XIRP2: variants seen among roughly 807,000 people sequenced by gnomAD.
XIRP2 encodes the protein xin actin binding repeat containing 2.
In XIRP2, 236 loss-of-function variants were observed where a neutral mutation model predicts 277.0. The observed-to-expected ratio is 0.85, with a 90% confidence interval of 0.77 to 0.95. The LOEUF (loss-of-function observed/expected upper bound fraction) is 0.95, where lower values mean the gene tolerates loss of function less well. XIRP2 is among the 40% of genes least tolerant of loss of function. The pLI, the probability that XIRP2 is intolerant of heterozygous loss-of-function variation, is 0.00. For synonymous variants in XIRP2, 1,490 were observed against 1,416.5 expected (o/e 1.05, Z -1.17); for missense variants, 4,640 against 4,157.5 (o/e 1.12, Z -3.19).
intron 2 of XIRP2, among the ~76,000 whole-genome samples, chr2:166,912,991 G>C (rs757302235): frequency 5.3e-5 from 8 of 152,148 alleles, no homozygotes; most frequent in African/African-American, 9.7e-5. Context: ...TTACTCGGCC[G>C]TGTGAGGTGT....
chr2:166,994,492 TAAAAAA>T (rs199932317), intron 2 of XIRP2, among the ~76,000 whole-genome samples: 2 of 109,198 alleles, frequency 1.8e-5, no homozygotes, highest in African/African-American at 6.9e-5. Flanking sequence ...AAAAAAAAAT[TAAAAAA>T]AAAAAAAAAA....
intron 3 of XIRP2, among the ~76,000 whole-genome samples, chr2:167,173,520 C>T (rs899028335): frequency 1.3e-5 from 2 of 152,142 alleles, no homozygotes; most frequent in Admixed American, 6.5e-5. Flanking sequence ...TTTTCTTTAT[C>T]CATTTATCTG....
chr2:167,200,848 G>A lies in XIRP2; in HGVS notation c.563-9887G>A, dbSNP rs148492952. Among the ~76,000 whole-genome samples, 1,007 of 152,094 alleles carry A rather than the reference G, an allele frequency of 6.6e-3. 12 individuals carry two copies. The highest frequency in any genetic ancestry group is 0.023 in the African/African-American group (935 of 41,508). Reference sequence around the variant, plus strand: ...GAGGAAAATGTACCATATACCTGCCGGGTGTGGTGGCTCACGCCTGCAACC... The same window carrying A: ...GAGGAAAATGTACCATATACCTGCCAGGTGTGGTGGCTCACGCCTGCAACC... On this transcript the variant is annotated intron_variant, in intron 3 of 10. Coordinates refer to ENST00000409195, the MANE Select transcript of XIRP2 (RefSeq NM_152381.6).
chr2:167,187,826 G>A (rs1451955280), intron 3 of XIRP2, among the ~76,000 whole-genome samples: 2 of 152,072 alleles, frequency 1.3e-5, no homozygotes, highest in Non-Finnish European at 2.9e-5. Flanking sequence ...TTACAAATAA[G>A]AGGGAAAGCA....
chr2:166,901,319 G>A (rs1684383562), intron 1 of XIRP2, among the ~76,000 whole-genome samples: 1 of 152,050 alleles, frequency 6.6e-6, no homozygotes, highest in African/African-American at 2.4e-5. Flanking sequence ...TTCCTAGGCA[G>A]TTCGCCTTCT....
chr2:166,982,327 T>TAAAA (rs34827020), intron 2 of XIRP2, among the ~76,000 whole-genome samples: 9 of 146,572 alleles, frequency 6.1e-5, no homozygotes, highest in African/African-American at 2.2e-4. Context: ...TTTTTTTTTT[T>TAAAA]AAAAAAAAAA....
At chr2:167,161,478 G>T (rs1692360596) in intron 3 of XIRP2, among the ~76,000 whole-genome samples, 1 of 152,202 alleles carries the variant, frequency 6.6e-6, no homozygotes, top group South Asian at 2.1e-4. Flanking sequence ...TGATTTCTGT[G>T]CACTGGCAGG....
At chr2:167,066,434 A>C (rs925191528) in intron 2 of XIRP2, among the ~76,000 whole-genome samples, 7 of 151,980 alleles carry the variant, frequency 4.6e-5, no homozygotes, top group African/African-American at 1.7e-4. Flanking sequence ...ATATTATCTC[A>C]TACCTGCTGG....
chr2:167,247,892 C>T lies in XIRP2; in HGVS notation c.6500C>T (p.Pro2167Leu), dbSNP rs773709802. Residue 2167 changes from proline to leucine, a missense_variant, in exon 9 of 11, where the codon CCA becomes CTA. Pro to Leu is a moderately conservative substitution (Grantham distance 98). Coordinates refer to ENST00000409195, the MANE Select transcript of XIRP2 (RefSeq NM_152381.6). ...TCCAAGCCCAGTCCCACCCAGCATC[C>T]AGTCAGCATGCCAGTTGGAGGAACT... ...QSSKPSPTQHPVSMPVGGTYD... is the reference protein window; with the variant it reads ...QSSKPSPTQHLVSMPVGGTYD... 1 of 1,613,468 alleles carries T rather than the reference C, an allele frequency of 6.2e-7. No individual in the cohort carries two copies. Among genetic ancestry groups the T allele is most frequent in the South Asian group, 1.1e-5 (1 of 90,976 alleles).
intron 2 of XIRP2, among the ~76,000 whole-genome samples, chr2:167,091,646 C>T (rs1364639361): frequency 1.3e-5 from 2 of 151,990 alleles, no homozygotes; most frequent in Non-Finnish European, 2.9e-5. Context: ...TTTTTTATGG[C>T]TTCTATGGTC....
Position 167,257,901 on chromosome 2 carries a change from C to G in XIRP2, c.*84C>G, listed in dbSNP as rs763416988. 1 of 1,610,444 alleles carries G rather than the reference C, an allele frequency of 6.2e-7. No homozygotes were observed. Among genetic ancestry groups the G allele is most frequent in the Middle Eastern group, 1.7e-4 (1 of 6,032 alleles). On this transcript the variant is annotated 3_prime_UTR_variant, in exon 11 of 11. Coordinates refer to ENST00000409195, the MANE Select transcript of XIRP2 (RefSeq NM_152381.6). ...CTTCATGGACAAATATACTGTAAAC[C>G]TCACTTTAAACAACTTTTCAAATCC...
At chr2:167,149,257 A>C (rs976775438) in intron 3 of XIRP2, among the ~76,000 whole-genome samples, 2 of 152,188 alleles carry the variant, frequency 1.3e-5, no homozygotes, top group African/African-American at 4.8e-5. Context: ...TTAATTCACT[A>C]TGCAGATAGC....
chr2:166,903,438 C>T (rs7599152), intron 1 of XIRP2, 27 bp from the exon 2 acceptor site: 741,196 of 1,566,260 alleles, frequency 0.47, 183,358 homozygotes, highest in East Asian at 0.77. Context: ...GAGTGTATCA[C>T]TGATAAAAGG....
rs370471636 is a variant in XIRP2, at chr2:167,253,986, G to A, written c.10556-46G>A. The A allele has an allele frequency of 8.5e-5, 129 of 1,521,378 alleles. No individual in the cohort carries two copies. The African/African-American group carries it at 1.7e-3, about 20-fold the overall frequency. 94.2% of individuals were successfully genotyped at this position (1,521,378 alleles called of 1,614,324 possible). ...TTGTTTTGTTATGTTTTTACAATAT[G>A]ATTGAAGATAACACTACAGAAGGCT... is the stretch of plus-strand genomic sequence containing the variant. On this transcript the variant is annotated intron_variant, in intron 9 of 10. Transcript: ENST00000409195.
intron 3 of XIRP2, among the ~76,000 whole-genome samples, chr2:167,196,109 A>G (rs1489672607): frequency 6.6e-6 from 1 of 152,026 alleles, no homozygotes; most frequent in Non-Finnish European, 1.5e-5. Context: ...TCATTTATTC[A>G]CCTTTAACTG....
chr2:167,223,900 T>C (rs7564986), intron 5 of XIRP2, among the ~76,000 whole-genome samples: 1 of 152,010 alleles, frequency 6.6e-6, no homozygotes, highest in African/African-American at 2.4e-5. Context: ...AGAGAGACTG[T>C]GTTATAATCC....
Position 167,242,503 on chromosome 2 carries a change from G to A in XIRP2, c.1177-66G>A, listed in dbSNP as rs1695101790. On this transcript the variant is annotated intron_variant, in intron 8 of 10. Coordinates refer to ENST00000409195, the MANE Select transcript of XIRP2 (RefSeq NM_152381.6). ...GGTCCAGGTTACAGACCAATGAAGG[G>A]CAGTGCCTAGGAAGCCTCTGCCACT... is the stretch of plus-strand genomic sequence containing the variant. The A allele has an allele frequency of 4.6e-6, 7 of 1,511,408 alleles. No individual in the cohort carries two copies. In the Admixed American group the frequency reaches 1.0e-4, roughly 22 times the overall value. 93.6% of individuals were successfully genotyped at this position (1,511,408 alleles called of 1,614,324 possible).
chr2:167,022,481 G>T (rs1376496330), intron 2 of XIRP2, among the ~76,000 whole-genome samples: 6 of 151,606 alleles, frequency 4.0e-5, no homozygotes, highest in Admixed American at 2.0e-4. Flanking sequence ...TAAGTTTTAG[G>T]GTACATGTGC....
At chr2:167,112,267 GTCTT>G (rs1381047386) in intron 2 of XIRP2, among the ~76,000 whole-genome samples, 2 of 151,438 alleles carry the variant, frequency 1.3e-5, no homozygotes, top group Non-Finnish European at 2.9e-5. Flanking sequence ...TTAATTTGAG[GTCTT>G]TCTAACTTTT....
Sources: gnomAD v4.1 joint callset for allele counts (sites outside exome capture counted in the v4.1 genomes callset) on GRCh38, gnomAD v4.1.1 for gene constraint, MANE v1.5 for transcripts, NCBI Gene and HGNC (gene_info 2026-07-23, HGNC 2026-07-21) for gene names.